The following LRRC4C variants were observed in gnomAD, a reference collection of about 807,000 sequenced individuals.
LRRC4C encodes leucine rich repeat containing 4C.
LRRC4C carries 5 observed loss-of-function variants against 33.6 expected under a neutral mutation model. That is an observed-to-expected ratio of 0.15 (90% CI 0.08 to 0.31). LRRC4C has a LOEUF of 0.31. Among genes scored for constraint, LRRC4C ranks in the 10% least tolerant of loss-of-function variants. The pLI, the probability that LRRC4C is intolerant of heterozygous loss-of-function variation, is 1.00. For missense variants in LRRC4C, 560 were observed against 796.7 expected, an observed-to-expected ratio of 0.70 and a Z score of 3.58; for synonymous variants, 329 against 302.0, an observed-to-expected ratio of 1.09 and a Z score of -0.93.
In LRRC4C at chr11:41,130,529, C is replaced by T. The variant is rs532390377; in HGVS notation, c.-495-196806G>A. ...TAGTCTGGAATTCAAGTCCTTATAT[C>T]ATCCAGACATTTACTGTATTAAACC... On this transcript the variant is annotated intron_variant, in intron 1 of 6. Transcript: ENST00000528697. Among the ~76,000 whole-genome samples, 11 of 152,064 alleles carry T rather than the reference C, an allele frequency of 7.2e-5. No homozygotes were observed. The East Asian group carries it at 2.1e-3, about 29-fold the overall frequency.
intron 1 of LRRC4C, among the ~76,000 whole-genome samples, chr11:41,169,998 T>C (rs532658394): frequency 6.6e-6 from 1 of 152,238 alleles, no homozygotes; most frequent in African/African-American, 2.4e-5. Flanking sequence ...CCCATTTACC[T>C]TAAAGGGGTA....
At chr11:40,400,162 C>A (rs1352588786) in intron 3 of LRRC4C, among the ~76,000 whole-genome samples, 1 of 152,072 alleles carries the variant, frequency 6.6e-6, no homozygotes, top group East Asian at 1.9e-4. Context: ...ACATAGTAGA[C>A]TACTCAGCAC....
intron 6 of LRRC4C, among the ~76,000 whole-genome samples, chr11:40,119,507 C>CA (rs1240198970): frequency 6.6e-6 from 1 of 152,154 alleles, no homozygotes; most frequent in Non-Finnish European, 1.5e-5. Context: ...TCTGTGAGAA[C>CA]AGGGGCCATG....
chr11:40,269,628 T>C (rs1942538519), intron 4 of LRRC4C, among the ~76,000 whole-genome samples: 1 of 152,150 alleles, frequency 6.6e-6, no homozygotes, highest in Non-Finnish European at 1.5e-5. Flanking sequence ...GATTCCACTT[T>C]TTCTTTCTTC....
rs576777246 is a variant in LRRC4C at position 41,151,247 on chromosome 11, C to T, written c.-495-217524G>A. Among the ~76,000 whole-genome samples the T allele has an allele frequency of 2.1e-3, 314 of 152,310 alleles. 2 individuals are homozygous for T. Among genetic ancestry groups the T allele is most frequent in the South Asian group, 4.4e-3 (21 of 4,824 alleles). On this transcript the variant is annotated intron_variant, in intron 1 of 6. Transcript: ENST00000528697. ...GCTAGTTTCTCCTCAGCTTAGTTCA[C>T]ACTAACAAACAACATTGTCAGCTAA...
intron 4 of LRRC4C, among the ~76,000 whole-genome samples, chr11:40,253,571 C>T (rs781432237): frequency 2.0e-5 from 3 of 152,174 alleles, no homozygotes; most frequent in African/African-American, 4.8e-5. Context: ...ATGGAAATGA[C>T]TTCCTGTGCT....
At chr11:40,646,209 G>A (rs577735916) in intron 3 of LRRC4C, among the ~76,000 whole-genome samples, 1 of 152,174 alleles carries the variant, frequency 6.6e-6, no homozygotes. Context: ...GCCATGATAG[G>A]CTATGTGCAA....
chr11:41,214,778 C>T (rs1269107228), intron 1 of LRRC4C, among the ~76,000 whole-genome samples: 2 of 141,146 alleles, frequency 1.4e-5, no homozygotes, highest in South Asian at 2.2e-4. Context: ...TATATATACA[C>T]ACATATATAT....
chr11:40,252,527 T>G (rs988817857), intron 4 of LRRC4C, among the ~76,000 whole-genome samples: 2 of 152,120 alleles, frequency 1.3e-5, no homozygotes, highest in African/African-American at 4.8e-5. Flanking sequence ...TGATTTAGGT[T>G]TTCAAGAGAA....
At chr11:40,426,365 T>G (rs1249669481) in intron 3 of LRRC4C, among the ~76,000 whole-genome samples, 1 of 141,610 alleles carries the variant, frequency 7.1e-6, no homozygotes, top group Non-Finnish European at 1.6e-5. Context: ...ATTCCTCACT[T>G]TGATCCAGCC....
At chr11:41,020,154 T>C (rs72888437) in intron 1 of LRRC4C, among the ~76,000 whole-genome samples, 4,558 of 152,276 alleles carry the variant, frequency 0.03, 81 homozygotes, top group Middle Eastern at 0.051. Flanking sequence ...GGTTTTATTG[T>C]TTCCAATTTG....
chr11:40,661,780 T>C (rs1943451933), intron 2 of LRRC4C, among the ~76,000 whole-genome samples: 1 of 152,214 alleles, frequency 6.6e-6, no homozygotes, highest in Non-Finnish European at 1.5e-5. Flanking sequence ...TATGCTCTAT[T>C]GGGAAAGATG....
intron 1 of LRRC4C, among the ~76,000 whole-genome samples, chr11:40,990,537 AATT>A (rs1478102819): frequency 2.1e-4 from 32 of 152,080 alleles, no homozygotes; most frequent in Admixed American, 2.1e-3. Context: ...CTCAATGCAT[AATT>A]AATGGAACAC....
At chr11:40,739,031 G>A (rs200001710) in intron 2 of LRRC4C, among the ~76,000 whole-genome samples, 37 of 46,422 alleles carry the variant, frequency 8.0e-4, no homozygotes, top group East Asian at 5.9e-3. Context: ...GTGTGTGTAT[G>A]TGTGTGTGTG....
At chr11:41,279,381 A>AACACAC (rs575973002) in intron 1 of LRRC4C, among the ~76,000 whole-genome samples, 3,910 of 126,362 alleles carry the variant, frequency 0.031, 108 homozygotes, top group Non-Finnish European at 0.04. Flanking sequence ...CACACACACA[A>AACACAC]ACACACACAC....
chr11:41,371,288 C>T (rs190667908), intron 1 of LRRC4C, among the ~76,000 whole-genome samples: 49 of 152,176 alleles, frequency 3.2e-4, no homozygotes, highest in East Asian at 2.1e-3. Context: ...CCGCTTAGAC[C>T]GATAGGAAGA....
chr11:40,551,298 T>C lies in LRRC4C; in HGVS notation c.-270+96844A>G, dbSNP rs75312095. 1.8e-3 allele frequency among the ~76,000 whole-genome samples: 272 copies of C among 152,134 alleles called. 2 individuals carry two copies. The highest frequency in any genetic ancestry group is 0.016 in the South Asian group (77 of 4,804). On this transcript the variant is annotated intron_variant, in intron 3 of 6. Coordinates refer to ENST00000528697, the MANE Select transcript of LRRC4C (RefSeq NM_001258419.2). ...TGAGTTAGATATTTCACTCCTAACA[T>C]TTCATTTGCTCATTTGTTAAATGAG...
intron 1 of LRRC4C, among the ~76,000 whole-genome samples, chr11:40,972,556 T>C (rs1034107766): frequency 6.6e-6 from 1 of 152,120 alleles, no homozygotes; most frequent in African/African-American, 2.4e-5. Context: ...GGGTAGTTTA[T>C]AAAGGAAATA....
At chr11:40,672,967 G>GTT (rs1311316767) in intron 2 of LRRC4C, among the ~76,000 whole-genome samples, 1 of 151,864 alleles carries the variant, frequency 6.6e-6, no homozygotes. Context: ...GAGGTCATAG[G>GTT]TGGAAAGACT....
Sources: allele counts gnomAD v4.1 joint callset (sites outside exome capture counted in the v4.1 genomes callset), GRCh38; gene constraint gnomAD v4.1.1; transcripts MANE v1.5; gene names NCBI Gene and HGNC (gene_info 2026-07-23, HGNC 2026-07-21).